Variants in SOX5 observed in about 807,000 individuals in gnomAD.
The protein encoded by SOX5 is SRY-box transcription factor 5, also known as transcription factor SOX-5.
A neutral mutation model predicts 92.0 loss-of-function variants in SOX5; 9 were observed. The observed-to-expected ratio is 0.10, with a 90% CI of 0.06 to 0.17. The LOEUF is 0.17. Among genes scored for constraint, SOX5 ranks in the 10% least tolerant of loss-of-function variants. SOX5 has a pLI of 1.00. For synonymous variants in SOX5, 344 were observed against 336.3 expected, an observed-to-expected ratio of 1.02 and a Z score of -0.25; for missense variants, 642 against 944.5, an observed-to-expected ratio of 0.68 and a Z score of 4.20.
chr12:23,747,016 C>T (rs1470656080), intron 4 of SOX5, among the ~76,000 whole-genome samples: 1 of 152,142 alleles, frequency 6.6e-6, no homozygotes, highest in East Asian at 1.9e-4. Flanking sequence ...GAGGCCTCCA[C>T]AGCCATGTGG....
chr12:24,404,106 C>A (rs971489019), intron 1 of SOX5, among the ~76,000 whole-genome samples: 2 of 152,106 alleles, frequency 1.3e-5, no homozygotes, highest in African/African-American at 4.8e-5. Flanking sequence ...ATATTTTATC[C>A]TTTTTTAGCT....
rs967245608 is a variant in SOX5 at position 23,611,354 on chromosome 12, G to A, written c.1018-6821C>T. On this transcript the variant is annotated intron_variant, in intron 8 of 14. Transcript: ENST00000451604. ...TTTCAAGGCTGAAAAGTATTCCATC[G>A]TGTGTGTGTGTGTGCGTGTGTGTGT... Among the ~76,000 whole-genome samples the A allele has an allele frequency of 4.4e-5, 6 of 134,872 alleles. No individual in the cohort carries two copies. In the South Asian group the frequency reaches 7.0e-4, roughly 16 times the overall value. The allele number at this position is 134,872 out of a possible 152,430, so 88.5% of individuals were successfully genotyped here.
chr12:23,643,345 T>C (rs921678816), intron 7 of SOX5, among the ~76,000 whole-genome samples: 7 of 152,112 alleles, frequency 4.6e-5, no homozygotes, highest in African/African-American at 1.7e-4. Context: ...CTAAAGGGTG[T>C]TGTTGCGGGG....
chr12:24,545,086 A>C (rs185274683), intron 1 of SOX5, among the ~76,000 whole-genome samples: 158 of 152,142 alleles, frequency 1.0e-3, no homozygotes, highest in Non-Finnish European at 1.6e-3. Flanking sequence ...AACCTGAAAA[A>C]ACCTAGGACT....
At chr12:24,082,824 C>G (rs1026457498) in intron 4 of SOX5, among the ~76,000 whole-genome samples, 3 of 151,766 alleles carry the variant, frequency 2.0e-5, no homozygotes, top group Admixed American at 2.0e-4. Flanking sequence ...TGTCCTCTTA[C>G]TATTAATATA....
At chr12:24,298,191 C>T (rs1026040526) in intron 2 of SOX5, among the ~76,000 whole-genome samples, 8 of 152,112 alleles carry the variant, frequency 5.3e-5, no homozygotes, top group African/African-American at 1.9e-4. Context: ...CTCAGCCTCC[C>T]CAGTAGCTGG....
intron 2 of SOX5, among the ~76,000 whole-genome samples, chr12:23,874,264 A>T (rs1275232540): frequency 2.0e-5 from 3 of 152,184 alleles, no homozygotes; most frequent in Admixed American, 6.5e-5. Context: ...AAATTCTAAC[A>T]TTCATTTATT....
At chr12:24,032,166 C>A (rs1955580839) in intron 4 of SOX5, among the ~76,000 whole-genome samples, 1 of 151,524 alleles carries the variant, frequency 6.6e-6, no homozygotes, top group South Asian at 2.1e-4. Flanking sequence ...AAACTATGGG[C>A]AAATTATAGT....
chr12:23,938,772 T>C (rs1048249517), intron 1 of SOX5, among the ~76,000 whole-genome samples: 4 of 151,124 alleles, frequency 2.6e-5, no homozygotes, highest in East Asian at 3.9e-4. Flanking sequence ...TACAGTTGCA[T>C]TGCTGCTATT....
intron 6 of SOX5, among the ~76,000 whole-genome samples, chr12:23,711,730 C>A (rs551590202): frequency 6.6e-6 from 1 of 152,130 alleles, no homozygotes; most frequent in African/African-American, 2.4e-5. Context: ...AACTAGAAAG[C>A]TTAAAAATAT....
At chr12:24,316,545 A>G (rs1277338806) in intron 2 of SOX5, among the ~76,000 whole-genome samples, 2 of 152,126 alleles carry the variant, frequency 1.3e-5, no homozygotes, top group Non-Finnish European at 2.9e-5. Flanking sequence ...CTGGGCCTCT[A>G]ACTTTTGGGT....
intron 9 of SOX5, among the ~76,000 whole-genome samples, chr12:23,590,045 T>A (rs191859695): frequency 1.7e-3 from 252 of 152,136 alleles, no homozygotes; most frequent in African/African-American, 5.9e-3. Flanking sequence ...CTATTTAGAA[T>A]TCTATATAGA....
At chr12:24,548,391 T>C (rs541941527) in intron 1 of SOX5, among the ~76,000 whole-genome samples, 16 of 152,272 alleles carry the variant, frequency 1.1e-4, no homozygotes, top group Admixed American at 7.8e-4. Flanking sequence ...AAGAGTAAAA[T>C]GTAATTTGGA....
chr12:24,258,541 GTTAT>G, intron 3 of SOX5, among the ~76,000 whole-genome samples: 1 of 152,216 alleles, frequency 6.6e-6, no homozygotes, highest in Middle Eastern at 3.4e-3. Flanking sequence ...CAAGTTACCT[GTTAT>G]TTGTTAGAAA....
chr12:24,229,715 T>C (rs1264703189), intron 3 of SOX5, among the ~76,000 whole-genome samples: 1 of 152,224 alleles, frequency 6.6e-6, no homozygotes, highest in Non-Finnish European at 1.5e-5. Context: ...GACATGTCCC[T>C]GCCAGCTATT....
rs1555172432 is a variant in SOX5, at chr12:23,577,192, T to TATA, written c.1165-1355_1165-1354insTAT. Among the ~76,000 whole-genome samples, 394 of 58,170 alleles carry TATA rather than the reference T, an allele frequency of 6.8e-3. 7 individuals carry two copies. The highest frequency in any genetic ancestry group is 0.01 in the African/African-American group (175 of 16,866). 38.2% of individuals were successfully genotyped at this position (58,170 alleles called of 152,430 possible). The stretch of plus-strand genomic sequence containing the variant: ...ACACACACACATATATATATATATA[T>TATA]TTTTTTTTTTTTTTTTTTTTGAGAT... On this transcript the variant is annotated intron_variant, in intron 9 of 14. Transcript: ENST00000451604.
intron 2 of SOX5, among the ~76,000 whole-genome samples, chr12:24,346,443 T>G (rs1953252619): frequency 6.6e-6 from 1 of 151,250 alleles, no homozygotes; most frequent in African/African-American, 2.4e-5. Flanking sequence ...AATACTTTAT[T>G]TTTGGAGTAC....
intron 1 of SOX5, among the ~76,000 whole-genome samples, chr12:24,371,139 T>C (rs912835648): frequency 1.3e-5 from 2 of 152,090 alleles, no homozygotes; most frequent in African/African-American, 4.8e-5. Flanking sequence ...GAAGAGAAAA[T>C]GGAGATCTGA....
chr12:24,256,626 G>A (rs1229507495), intron 3 of SOX5, among the ~76,000 whole-genome samples: 1 of 140,248 alleles, frequency 7.1e-6, no homozygotes, highest in Non-Finnish European at 1.5e-5. Flanking sequence ...ATGAGGGAGG[G>A]GAACAGAGAG....
Sources: allele counts gnomAD v4.1 joint callset (sites outside exome capture counted in the v4.1 genomes callset), GRCh38; gene constraint gnomAD v4.1.1; transcripts MANE v1.5; gene names NCBI Gene and HGNC (gene_info 2026-07-23, HGNC 2026-07-21).